The following CDHR3 variants were observed in gnomAD, a reference collection of about 807,000 sequenced individuals.
The protein encoded by CDHR3 is cadherin-related family member 3.
Under a neutral mutation model 86.6 loss-of-function variants are expected in CDHR3, and 79 were observed. That is an observed-to-expected ratio of 0.91 (90% confidence interval 0.76 to 1.10). The LOEUF (loss-of-function observed/expected upper bound fraction) is 1.10, where lower values mean the gene tolerates loss of function less well. Ranked by LOEUF, CDHR3 falls within the 50% of genes least tolerant of loss-of-function variation. CDHR3 has a pLI of 0.00. For synonymous variants in CDHR3, 421 were observed against 402.4 expected (o/e 1.05, Z -0.55); for missense variants, 1,081 against 1,077.6 (o/e 1.00, Z -0.04).
chr7:105,988,961 A>G (rs1389143875), intron 4 of CDHR3, among the ~76,000 whole-genome samples: 1 of 152,194 alleles, frequency 6.6e-6, no homozygotes, highest in African/African-American at 2.4e-5. Context: ...CTTACAGATC[A>G]TCTCCGTGCA....
intron 8 of CDHR3, among the ~76,000 whole-genome samples, chr7:106,010,695 G>A (rs1461488963): frequency 6.6e-6 from 1 of 152,238 alleles, no homozygotes; most frequent in Non-Finnish European, 1.5e-5. Context: ...TGGTTGCAGA[G>A]AGAAGTGTAT....
intron 1 of CDHR3, among the ~76,000 whole-genome samples, chr7:105,973,362 A>G (rs758963516): frequency 2.6e-5 from 4 of 152,190 alleles, no homozygotes; most frequent in Admixed American, 6.5e-5. Flanking sequence ...AAACTATCAC[A>G]CAACAGAAAT....
intron 4 of CDHR3, among the ~76,000 whole-genome samples, chr7:105,987,639 TG>T (rs1830719839): frequency 6.6e-6 from 1 of 152,174 alleles, no homozygotes. Flanking sequence ...CGGATGTCTG[TG>T]TCCCACCCTG....
In CDHR3 at chr7:106,036,311, A is replaced by G. The variant is rs1422424907; in HGVS notation, c.*3614A>G. The stretch of plus-strand genomic sequence containing the variant: ...GTATTTTGTAATGGCTGTGAAAATT[A>G]AGCTACAAAATGAGTGAACATTGAA... On this transcript the variant is annotated 3_prime_UTR_variant, in exon 19 of 19. Transcript: ENST00000317716. 1 of 152,212 alleles carries G rather than the reference A, an allele frequency of 6.6e-6. No homozygotes were observed. The highest frequency in any genetic ancestry group is 2.4e-5 in the African/African-American group (1 of 41,452). 9.4% of individuals were successfully genotyped at this position (152,212 alleles called of 1,614,324 possible). A position where few individuals can be genotyped will look rare whatever the true frequency, so the allele number is the denominator to read the frequency against.
In CDHR3 at chr7:106,032,778, AG is replaced by A. The variant is rs1252605587; in HGVS notation, c.*87del. On this transcript the variant is annotated 3_prime_UTR_variant, in exon 19 of 19. Transcript: ENST00000317716. ...TATGGGGATGGTGTGGGCATGGTGT[AG>A]GGGGGAAAATGTGGGCTGAGGGGAT... 3.5e-6 allele frequency: 5 copies of A among 1,416,358 alleles called. No homozygotes were observed. Among genetic ancestry groups the A allele is most frequent in the Non-Finnish European group, 4.7e-6 (5 of 1,057,130 alleles). 87.7% of individuals were successfully genotyped at this position (1,416,358 alleles called of 1,614,324 possible).
chr7:106,001,387 C>CA, intron 6 of CDHR3, 75 bp from the exon 7 acceptor site: 2 of 1,555,968 alleles, frequency 1.3e-6, no homozygotes, highest in Non-Finnish European at 1.8e-6. Context: ...TAGCACTAAC[C>CA]AAAATACCAA....
chr7:106,023,552 C>G (rs1182873811), intron 14 of CDHR3, among the ~76,000 whole-genome samples: 3 of 152,148 alleles, frequency 2.0e-5, no homozygotes, highest in Admixed American at 6.5e-5. Context: ...TCCTCTTCCT[C>G]CTCCTCCTCC....
intron 8 of CDHR3, among the ~76,000 whole-genome samples, chr7:106,007,381 G>A (rs575335725): frequency 5.9e-5 from 9 of 152,218 alleles, no homozygotes; most frequent in African/African-American, 1.9e-4. Flanking sequence ...CCTTTCTATC[G>A]CATTGTCAGG....
chr7:106,001,463 C>T lies in CDHR3; in HGVS notation c.715C>T (p.Pro239Ser). ...GTGTCTGCTGTATCTCTGTTCCAGCCCGACACGAGTGTACACAGTCCTGGA... is the reference window on the plus strand; with the variant it reads ...GTGTCTGCTGTATCTCTGTTCCAGCTCGACACGAGTGTACACAGTCCTGGA... ...LNDEVPRFTSPTRVYTVLEEL... is the reference protein window; with the variant it reads ...LNDEVPRFTSSTRVYTVLEEL... Residue 239 changes from proline to serine, a missense_variant and splice_region_variant, in exon 7 of 19, where the codon CCG (proline) becomes TCG (serine). Transcript: ENST00000317716. 6.2e-7 allele frequency: 1 copy of T among 1,613,566 alleles called. No individual in the cohort carries two copies. The highest frequency in any genetic ancestry group is 8.5e-7 in the Non-Finnish European group (1 of 1,179,540).
rs372809296 is a variant in CDHR3 at position 105,996,289 on chromosome 7, C to T, written c.648C>T (p.Leu216=). The T allele has an allele frequency of 4.5e-5, 72 of 1,599,538 alleles. No homozygotes were observed. In the African/African-American group the frequency reaches 7.4e-4, roughly 16 times the overall value. ...LIVEVRDSGG[L]KASTELQVNI... Reference sequence around the variant, plus strand: ...TGGAGGTGAGGGACAGTGGAGGCCTCAAAGCCTCCACAGAGCTCCAGGTGA... The same window carrying T: ...TGGAGGTGAGGGACAGTGGAGGCCTTAAAGCCTCCACAGAGCTCCAGGTGA... The change falls in exon 6 of 19, where the codon CTC becomes CTT. Residue 216 remains leucine, a synonymous_variant. Coordinates refer to ENST00000317716, the MANE Select transcript of CDHR3 (RefSeq NM_152750.5).
intron 7 of CDHR3, among the ~76,000 whole-genome samples, chr7:106,003,903 A>G (rs1833561528): frequency 6.8e-6 from 1 of 147,744 alleles, no homozygotes; most frequent in African/African-American, 2.5e-5. Flanking sequence ...TTTAACAAGT[A>G]GAGTGAGGTT....
At chr7:106,015,013 A>G (rs990437929) in intron 9 of CDHR3, 98 bp from the exon 10 acceptor site, 1 of 969,350 alleles carries the variant, frequency 1.0e-6, no homozygotes, top group African/African-American at 1.7e-5. Context: ...GCGTTTTGCC[A>G]ATTTATATAT....
chr7:105,974,505 A>T (rs368965377), intron 1 of CDHR3, among the ~76,000 whole-genome samples: 6 of 124,680 alleles, frequency 4.8e-5, no homozygotes, highest in African/African-American at 1.6e-4. Flanking sequence ...CTTTAGGCGG[A>T]TGTCTGTCTC....
intron 6 of CDHR3, among the ~76,000 whole-genome samples, chr7:105,997,809 G>T (rs923114629): frequency 6.6e-6 from 1 of 152,128 alleles, no homozygotes; most frequent in Non-Finnish European, 1.5e-5. Flanking sequence ...CAGAGAGAGA[G>T]AGAGAACATG....
chr7:105,980,154 A>C (rs1025915166), intron 2 of CDHR3, among the ~76,000 whole-genome samples: 1 of 152,284 alleles, frequency 6.6e-6, no homozygotes, highest in Non-Finnish European at 1.5e-5. Context: ...ACTTACGCAG[A>C]TGTATCTTTC....
At chr7:105,967,112 A>AC (rs1563220942) in intron 1 of CDHR3, among the ~76,000 whole-genome samples, 2 of 151,470 alleles carry the variant, frequency 1.3e-5, no homozygotes, top group South Asian at 2.1e-4. Context: ...CCTTCCCCTC[A>AC]CCCCATGACA....
At chr7:105,980,580 G>A (rs1386476104) in intron 2 of CDHR3, among the ~76,000 whole-genome samples, 1 of 85,124 alleles carries the variant, frequency 1.2e-5, no homozygotes, top group African/African-American at 4.1e-5. Flanking sequence ...CCCAAGTAGT[G>A]GAAGGTTTTT....
rs1342188316 is a variant in CDHR3, at chr7:106,004,016, G to GA, written c.863-474dup. Among the ~76,000 whole-genome samples the GA allele has an allele frequency of 4.8e-5, 6 of 124,430 alleles. No homozygotes were observed. In the East Asian group the frequency reaches 1.2e-3, roughly 24 times the overall value. 81.6% of individuals were successfully genotyped at this position (124,430 alleles called of 152,430 possible). On this transcript the variant is annotated intron_variant, in intron 7 of 18. Coordinates refer to ENST00000317716, the MANE Select transcript of CDHR3 (RefSeq NM_152750.5). Reference sequence around the variant, plus strand: ...AAAAAAAAAAAAAAAAAAAAAGAAAGAAAAAAAAGGCAGGCACATCTATCA... The same window carrying GA: ...AAAAAAAAAAAAAAAAAAAAAGAAAGAAAAAAAAAGGCAGGCACATCTATCA...
intron 8 of CDHR3, among the ~76,000 whole-genome samples, chr7:106,011,373 C>A (rs1834777198): frequency 6.6e-6 from 1 of 152,082 alleles, no homozygotes; most frequent in Non-Finnish European, 1.5e-5. Flanking sequence ...GACTTGCCCT[C>A]TCTTGTTACT....
Sources: gnomAD v4.1 joint callset for allele counts (sites outside exome capture counted in the v4.1 genomes callset) on GRCh38, gnomAD v4.1.1 for gene constraint, MANE v1.5 for transcripts, NCBI Gene and HGNC (gene_info 2026-07-23, HGNC 2026-07-21) for gene names.